Variants in APBA1 observed in about 807,000 individuals in gnomAD.
APBA1 encodes the protein amyloid beta precursor protein binding family A member 1, also known as amyloid-beta A4 precursor protein-binding family A member 1.
Under a neutral mutation model 86.6 loss-of-function variants are expected in APBA1, and 55 were observed. The observed-to-expected ratio is 0.64, with a 90% CI of 0.51 to 0.80. The LOEUF (loss-of-function observed/expected upper bound fraction) is 0.80, where lower values mean the gene tolerates loss of function less well. Among genes scored for constraint, APBA1 ranks in the 30% least tolerant of loss-of-function variants. The pLI, the probability that APBA1 is intolerant of heterozygous loss-of-function variation, is 0.00. For synonymous variants in APBA1, 511 were observed against 493.9 expected (o/e 1.03, Z -0.46); for missense variants, 1,090 against 1,183.0 (o/e 0.92, Z 1.15).
chr9:69,445,533 C>CTA (rs1038140581), intron 10 of APBA1, among the ~76,000 whole-genome samples: 1 of 152,122 alleles, frequency 6.6e-6, no homozygotes, highest in African/African-American at 2.4e-5. Flanking sequence ...AGAATGGTCT[C>CTA]TATAGCAACG....
intron 1 of APBA1, among the ~76,000 whole-genome samples, chr9:69,623,891 TTGTAATACCTCTCTTATCTTGC>T (rs1822876869): frequency 6.6e-6 from 1 of 152,222 alleles, no homozygotes; most frequent in African/African-American, 2.4e-5. Context: ...CCTTTGTGTG[TTGTAATACCTCTCTTATCTTGC>T]TGTAATACCT....
chr9:69,543,285 C>G (rs369866797), intron 1 of APBA1, among the ~76,000 whole-genome samples: 14 of 32,080 alleles, frequency 4.4e-4, no homozygotes, highest in African/African-American at 1.7e-3. Context: ...TTCCCCCCCC[C>G]CCCCCCGGCC....
rs149057657 is a variant in APBA1, at chr9:69,457,107, T to C, written c.1548A>G (p.Glu516=). The C allele has an allele frequency of 3.1e-6, 5 of 1,614,062 alleles. No individual in the cohort carries two copies. In the African/African-American group the frequency reaches 6.7e-5, roughly 22 times the overall value. ...TCTGGGTAGAAATGAAGAGATCCAC[T>C]TCAGTCATTGGCTGAGATTCGCCTT... ...APEGESQPMT[E]VDLFISTQRI... The change falls in exon 7 of 13, where the codon GAA becomes GAG. Residue 516 remains glutamate (E), a synonymous_variant. Transcript: ENST00000265381.
At chr9:69,631,677 C>A (rs1196688889) in intron 1 of APBA1, among the ~76,000 whole-genome samples, 1 of 152,222 alleles carries the variant, frequency 6.6e-6, no homozygotes, top group Non-Finnish European at 1.5e-5. Context: ...CAATGATAGA[C>A]TGGATTAAGA....
At position 69,666,798 on chromosome 9, in the gene APBA1, T is replaced by G. The variant is rs548590361; in HGVS notation, c.-70+5355A>C. On this transcript the variant is annotated intron_variant, in intron 1 of 12. Transcript: ENST00000265381. The stretch of plus-strand genomic sequence containing the variant: ...ATATATCAGGTATGAATAAATAGTT[T>G]TAATGCTATCATAAACTTGCACAGG... Among the ~76,000 whole-genome samples the G allele has an allele frequency of 1.1e-4, 16 of 152,300 alleles. No individual in the cohort carries two copies. The Middle Eastern group carries it at 0.01, about 97-fold the overall frequency.
rs114782711 is a variant in APBA1 at position 69,602,507 on chromosome 9, C to T, written c.-70+69646G>A. On this transcript the variant is annotated intron_variant, in intron 1 of 12. Coordinates refer to ENST00000265381, the MANE Select transcript of APBA1 (RefSeq NM_001163.4). ...AATGGCATGAACCTGGGAGGTGGAG[C>T]GTGCAGTTTGCCAAGATCGCGCCAC... 9.8e-3 allele frequency among the ~76,000 whole-genome samples: 1,489 copies of T among 151,762 alleles called. 24 individuals carry two copies. The highest frequency in any genetic ancestry group is 0.034 in the African/African-American group (1,399 of 41,352).
chr9:69,635,388 A>G (rs1198456750), intron 1 of APBA1, among the ~76,000 whole-genome samples: 3 of 152,194 alleles, frequency 2.0e-5, no homozygotes, highest in Admixed American at 1.3e-4. Flanking sequence ...GCAAGAAATT[A>G]AAACACACCA....
chr9:69,434,684 A>T (rs1834668630), intron 11 of APBA1, among the ~76,000 whole-genome samples: 1 of 150,112 alleles, frequency 6.7e-6, no homozygotes, highest in Non-Finnish European at 1.5e-5. Context: ...TCCATCTTGG[A>T]TGACAGAGCG....
chr9:69,625,819 G>A (rs1433551784), intron 1 of APBA1, among the ~76,000 whole-genome samples: 1 of 152,128 alleles, frequency 6.6e-6, no homozygotes, highest in Non-Finnish European at 1.5e-5. Flanking sequence ...GAATATACAA[G>A]AGAGCAACAT....
chr9:69,599,405 A>G (rs1053142647), intron 1 of APBA1, among the ~76,000 whole-genome samples: 2 of 152,196 alleles, frequency 1.3e-5, no homozygotes, highest in African/African-American at 4.8e-5. Context: ...TGGGTCCTCA[A>G]TGGGACTGAG....
At chr9:69,433,844 C>T (rs1250875084) in intron 11 of APBA1, among the ~76,000 whole-genome samples, 1 of 140,162 alleles carries the variant, frequency 7.1e-6, no homozygotes, top group Non-Finnish European at 1.5e-5. Flanking sequence ...CAGAGTCTTG[C>T]TCTGTCACCT....
chr9:69,587,572 G>A (rs905891420), intron 1 of APBA1, among the ~76,000 whole-genome samples: 3 of 152,042 alleles, frequency 2.0e-5, no homozygotes, highest in Non-Finnish European at 4.4e-5. Context: ...AAGTAGGTTC[G>A]GTATATGAGA....
Position 69,537,042 on chromosome 9 carries a change from G to GATATAT in APBA1, c.-69-19769_-69-19764dup, listed in dbSNP as rs3068202. On this transcript the variant is annotated intron_variant, in intron 1 of 12. Transcript: ENST00000265381. ...TGCAGTCATCACCACTACGCACTAA[G>GATATAT]ATATATATATATATGTATATATATA... Among the ~76,000 whole-genome samples the GATATAT allele has an allele frequency of 4.0e-4, 59 of 147,576 alleles. 2 individuals carry two copies. The highest frequency in any genetic ancestry group is 1.4e-3 in the African/African-American group (56 of 40,314).
Position 69,440,537 on chromosome 9 carries a change from G to T in APBA1, c.2301+459C>A, listed in dbSNP as rs573373925. 7.9e-5 allele frequency among the ~76,000 whole-genome samples: 12 copies of T among 152,272 alleles called. No individual in the cohort carries two copies. In the East Asian group the frequency reaches 1.2e-3, roughly 15 times the overall value. On this transcript the variant is annotated intron_variant, in intron 11 of 12. Coordinates refer to ENST00000265381, the MANE Select transcript of APBA1 (RefSeq NM_001163.4). ...CCTTGCAGTTTGATCTCAGACTGCT[G>T]TGCTAGCAATGAGTGAGGCTCCATG...
intron 1 of APBA1, among the ~76,000 whole-genome samples, chr9:69,524,114 T>A (rs1332624105): frequency 1.3e-5 from 2 of 152,130 alleles, no homozygotes; most frequent in Admixed American, 1.3e-4. Context: ...TAGTGCTAAA[T>A]GCCTACCTCA....
At chr9:69,589,311 T>C (rs1054120013) in intron 1 of APBA1, among the ~76,000 whole-genome samples, 1 of 152,216 alleles carries the variant, frequency 6.6e-6, no homozygotes, top group African/African-American at 2.4e-5. Flanking sequence ...ACTTAGAAGA[T>C]AATCAATCAC....
rs1207396660 is a variant in APBA1 at position 69,601,094 on chromosome 9, A to G, written c.-70+71059T>C. Among the ~76,000 whole-genome samples, 4 of 152,224 alleles carry G rather than the reference A, an allele frequency of 2.6e-5. No individual in the cohort carries two copies. In the South Asian group the frequency reaches 8.3e-4, roughly 32 times the overall value. ...ATGTGCAGCAGATTCACATATTTTA[A>G]TAACAAACAAGATGCAGGCTATTGA... On this transcript the variant is annotated intron_variant, in intron 1 of 12. Coordinates refer to ENST00000265381, the MANE Select transcript of APBA1 (RefSeq NM_001163.4).
chr9:69,595,460 T>G (rs925571519), intron 1 of APBA1, among the ~76,000 whole-genome samples: 1 of 152,156 alleles, frequency 6.6e-6, no homozygotes, highest in Non-Finnish European at 1.5e-5. Flanking sequence ...CTCCATGGCT[T>G]CGGACTATGT....
chr9:69,594,708 G>A (rs1822195762), intron 1 of APBA1, among the ~76,000 whole-genome samples: 1 of 152,138 alleles, frequency 6.6e-6, no homozygotes, highest in Non-Finnish European at 1.5e-5. Context: ...AAAGGCACAC[G>A]TGATTGACTG....
Sources: allele counts gnomAD v4.1 joint callset (sites outside exome capture counted in the v4.1 genomes callset), GRCh38; gene constraint gnomAD v4.1.1; transcripts MANE v1.5; gene names NCBI Gene and HGNC (gene_info 2026-07-23, HGNC 2026-07-21).